PPFIA4: variants seen among roughly 807,000 people sequenced by gnomAD.
PPFIA4 encodes the protein liprin-alpha-4.
In PPFIA4, 98 loss-of-function variants were observed where a neutral mutation model predicts 145.7. The observed-to-expected ratio is 0.67, with a 90% CI of 0.57 to 0.80. The LOEUF is 0.80. PPFIA4 is among the 30% of genes least tolerant of loss of function. PPFIA4 has a pLI of 0.00. For synonymous variants in PPFIA4, 628 were observed against 649.6 expected (o/e 0.97, Z 0.51); for missense variants, 1,457 against 1,632.7 (o/e 0.89, Z 1.85).
chr1:203,028,426 G>A (rs1481948758), intron 1 of PPFIA4, among the ~76,000 whole-genome samples: 2 of 152,154 alleles, frequency 1.3e-5, no homozygotes, highest in African/African-American at 4.8e-5. Flanking sequence ...CTAGAGCTAG[G>A]CAAGAGAATG....
chr1:203,030,677 G>A (rs913076996), intron 1 of PPFIA4, among the ~76,000 whole-genome samples: 4 of 152,140 alleles, frequency 2.6e-5, no homozygotes, highest in Admixed American at 1.3e-4. Context: ...CTCCTCTCTC[G>A]ATTATACCTT....
chr1:203,069,619 G>T (rs1661989501), intron 27 of PPFIA4, among the ~76,000 whole-genome samples: 2 of 152,172 alleles, frequency 1.3e-5, no homozygotes, highest in Admixed American at 1.3e-4. Flanking sequence ...AGCTGCACAG[G>T]CTATTCTGGG....
At chr1:203,046,432 C>T (rs1660093425) in intron 9 of PPFIA4, 50 bp downstream of exon 9, 12 of 1,530,576 alleles carry the variant, frequency 7.8e-6, no homozygotes, top group Non-Finnish European at 6.2e-6. Context: ...ATGTTCTGAG[C>T]TCTCAGGGAG....
Position 203,076,361 on chromosome 1 carries a change from G to C in PPFIA4, c.3595G>C (p.Gly1199Arg). The C allele has an allele frequency of 6.2e-7, 1 of 1,607,544 alleles. No individual in the cohort carries two copies. Among genetic ancestry groups the C allele is most frequent in the Non-Finnish European group, 8.5e-7 (1 of 1,179,810 alleles). Residue 1199 changes from glycine (G) to arginine (R), a missense_variant, in exon 30 of 30, where the codon GGA becomes CGA. This residue lies in a region of PPFIA4 where 146 missense variants were observed against 126.2 expected (regional missense o/e 1.16). Transcript: ENST00000295706. The part of the protein sequence containing the change: ...MPEAHSHYLY[G>R]HMLSAFRD The stretch of plus-strand genomic sequence containing the variant: ...CTCAGCTCACTCCCACTATCTCTAC[G>C]GACACATGCTCTCCGCCTTCCGGGA...
intron 19 of PPFIA4, among the ~76,000 whole-genome samples, chr1:203,058,258 A>G (rs1661115409): frequency 6.6e-6 from 1 of 152,076 alleles, no homozygotes; most frequent in Non-Finnish European, 1.5e-5. Context: ...GGAAGGAGAA[A>G]GAGGAATTTG....
rs1558086793 is a variant in PPFIA4 at position 203,055,444 on chromosome 1, A to G, written c.1842A>G (p.Glu614=). 3.2e-5 allele frequency: 51 copies of G among 1,613,956 alleles called. No homozygotes were observed. Among genetic ancestry groups the G allele is most frequent in the Non-Finnish European group, 4.2e-5 (49 of 1,179,848 alleles). ...AINEEIRMIQ[E]EKESTELRAE... is the part of the protein sequence containing the mutation. ...GCCTCCCTTCCAGGATGATTCAGGA[A>G]GAGAAGGAGTCCACGGAGCTCCGCG... Residue 614 remains glutamate, a synonymous_variant, in exon 16 of 30, where the codon GAA becomes GAG. Coordinates refer to ENST00000295706, the MANE Select transcript of PPFIA4 (RefSeq NM_001304331.2). This position sits in a 1 kb window ranked among gnomAD's most constrained non-coding sequence, Gnocchi z 4.8.
rs1292452996 is a variant in PPFIA4 at position 203,044,414 on chromosome 1, C to T, written c.537C>T (p.Val179=). Residue 179 remains valine, a synonymous_variant, in exon 5 of 30, where the codon GTC becomes GTT. Coordinates refer to ENST00000295706, the MANE Select transcript of PPFIA4 (RefSeq NM_001304331.2). The part of the protein sequence containing the change: ...RERLRAALER[V]TTLEEQLAGA... ...GGCTCCGGGCAGCGCTGGAGCGAGT[C>T]ACCACCTTGGAGGAGCAGCTGGCAG... The T allele has an allele frequency of 6.4e-7, 1 of 1,552,272 alleles. No individual in the cohort carries two copies. The highest frequency in any genetic ancestry group is 1.9e-5 in the Admixed American group (1 of 51,284).
At position 203,043,451 on chromosome 1, in the gene PPFIA4, C is replaced by A. The variant is rs755139991; in HGVS notation, c.289C>A (p.Arg97=). The A allele has an allele frequency of 3.1e-6, 5 of 1,611,432 alleles. No homozygotes were observed. In the African/African-American group the frequency reaches 6.7e-5, roughly 21 times the overall value. ...CATGTGTCGGGAGCAGCTTCTAGAGCGGGAGGAAGAGATATCAGAACTGAA... is the reference window on the plus strand; with the variant it reads ...CATGTGTCGGGAGCAGCTTCTAGAGAGGGAGGAAGAGATATCAGAACTGAA... ...LSMCREQLLE[R]EEEISELKAE... Residue 97 remains arginine (R), a synonymous_variant, in exon 3 of 30, where the codon CGG becomes AGG. Coordinates refer to ENST00000295706, the MANE Select transcript of PPFIA4 (RefSeq NM_001304331.2). The surrounding 1 kb of genome is among the most constrained non-coding windows in gnomAD (Gnocchi z 4.4).
At chr1:203,065,952 T>C (rs1661703939) in intron 25 of PPFIA4, among the ~76,000 whole-genome samples, 1 of 152,200 alleles carries the variant, frequency 6.6e-6, no homozygotes, top group Non-Finnish European at 1.5e-5. Flanking sequence ...GTCATAAATG[T>C]CACCCTAATA....
At chr1:203,031,333 C>T (rs922416720) in intron 1 of PPFIA4, among the ~76,000 whole-genome samples, 2 of 152,222 alleles carry the variant, frequency 1.3e-5, no homozygotes, top group Non-Finnish European at 2.9e-5. Flanking sequence ...GCTACTGCAC[C>T]GAGGGCTTAT....
rs1208063778 is a variant in PPFIA4, at chr1:203,056,831, A to G, written c.2288A>G (p.Gln763Arg). Residue 763 changes from glutamine (Q) to arginine (R), a missense_variant, in exon 19 of 30, where the codon CAG becomes CGG. By Grantham distance (43) the Gln-to-Arg change is conservative (BLOSUM62 1). Around this residue, in one of 3 missense-constraint regions of PPFIA4, gnomAD observed 848 missense variants for 1,046.7 expected, o/e 0.81. Transcript: ENST00000295706. ...GSNPSSSNSS[Q>R]DSLHKGAKRK... is the part of the protein sequence containing the mutation. ...AACCCCAGCAGCAGCAACAGCAGCCAGGACTCCCTGCACAAGGGCGCCAAG... is the reference window on the plus strand; with the variant it reads ...AACCCCAGCAGCAGCAACAGCAGCCGGGACTCCCTGCACAAGGGCGCCAAG... The G allele has an allele frequency of 2.5e-6, 4 of 1,613,966 alleles. No individual in the cohort carries two copies.
intron 19 of PPFIA4, among the ~76,000 whole-genome samples, chr1:203,057,889 AG>A (rs1428358342): frequency 7.3e-5 from 11 of 150,326 alleles, no homozygotes; most frequent in Non-Finnish European, 1.6e-4. Context: ...GTGTGGAGGA[AG>A]GGGTTGGTCT....
intron 13 of PPFIA4, 40 bp from the exon 14 acceptor site, chr1:203,051,729 C>A: frequency 6.3e-7 from 1 of 1,575,450 alleles, no homozygotes; most frequent in South Asian, 1.2e-5. Flanking sequence ...GGGTCTCAGT[C>A]CTCAGGGCCT....
Position 203,051,777 on chromosome 1 carries a change from T to C in PPFIA4, c.1520T>C (p.Met507Thr). 1.2e-6 allele frequency: 2 copies of C among 1,612,766 alleles called. No individual in the cohort carries two copies. Among genetic ancestry groups the C allele is most frequent in the Admixed American group, 1.7e-5 (1 of 59,846 alleles). ...FVDGVHSRSH[M>T]GSAADVRFSL... ...CCCCATCACCGCTCAAGGTCGCACA[T>C]GGGCAGTGCAGCAGACGTGCGGTTC... The change falls in exon 14 of 30, where the codon ATG (methionine) becomes ACG (threonine). Residue 507 changes from methionine to threonine, a missense_variant. Around this residue, in one of 3 missense-constraint regions of PPFIA4, gnomAD observed 848 missense variants for 1,046.7 expected, o/e 0.81. Transcript: ENST00000295706.
chr1:203,050,530 T>C (rs958141627), intron 13 of PPFIA4, among the ~76,000 whole-genome samples: 5 of 152,140 alleles, frequency 3.3e-5, no homozygotes, highest in African/African-American at 1.2e-4. Flanking sequence ...CCCTTGCCGT[T>C]CCCTTTGGTC....
Position 203,075,490 on chromosome 1 carries a change from C to A in PPFIA4, c.3394-87C>A. On this transcript the variant is annotated intron_variant, in intron 28 of 29. Coordinates refer to ENST00000295706, the MANE Select transcript of PPFIA4 (RefSeq NM_001304331.2). The surrounding 1 kb of genome is among the most constrained non-coding windows in gnomAD (Gnocchi z 4.1). ...AGGGGTGGGAGTGGTGCCCCTTGAA[C>A]CAGCAGCGACTGGCCCCCTCCAGGC... The A allele has an allele frequency of 8.5e-7, 1 of 1,174,036 alleles. No individual in the cohort carries two copies. The highest frequency in any genetic ancestry group is 1.1e-6 in the Non-Finnish European group (1 of 908,472). 72.7% of individuals were successfully genotyped at this position (1,174,036 alleles called of 1,614,324 possible).
chr1:203,057,534 T>C (rs1661057474), intron 19 of PPFIA4, among the ~76,000 whole-genome samples: 1 of 152,354 alleles, frequency 6.6e-6, no homozygotes, highest in South Asian at 2.1e-4. Flanking sequence ...ATCTGCCCCC[T>C]CTCTTCTATT....
chr1:203,039,325 C>T, intron 2 of PPFIA4, 83 bp downstream of exon 2: 1 of 944,940 alleles, frequency 1.1e-6, no homozygotes, highest in Non-Finnish European at 1.5e-6. Context: ...AGCTCATCTG[C>T]ATCTATTTGC....
intron 1 of PPFIA4, among the ~76,000 whole-genome samples, chr1:203,032,498 C>A (rs1658925387): frequency 1.4e-5 from 2 of 147,872 alleles, no homozygotes; most frequent in South Asian, 4.3e-4. Context: ...GTAGTGTGAT[C>A]TTGGCTTACT....
Sources: gnomAD v4.1 joint callset for allele counts (sites outside exome capture counted in the v4.1 genomes callset) on GRCh38, gnomAD v4.1.1 for gene constraint, gnomAD v4.1.1 regional missense constraint, Gnocchi (gnomAD v3.1) non-coding constraint, MANE v1.5 for transcripts, NCBI Gene and HGNC (gene_info 2026-07-23, HGNC 2026-07-21) for gene names.